Variants in TRPM2 observed in about 807,000 individuals in gnomAD.
TRPM2 encodes the protein estrogen-responsive element-associated gene 1 protein.
In TRPM2, 161 loss-of-function variants were observed where a neutral mutation model predicts 174.0. The observed-to-expected ratio is 0.93, with a 90% CI of 0.81 to 1.05. The LOEUF (loss-of-function observed/expected upper bound fraction) is 1.05, where lower values mean the gene tolerates loss of function less well. Ranked by LOEUF, TRPM2 falls within the 50% of genes least tolerant of loss-of-function variation. TRPM2 has a pLI of 0.00. For missense variants in TRPM2, 2,057 were observed against 2,038.0 expected, an observed-to-expected ratio of 1.01 and a Z score of -0.18; for synonymous variants, 954 against 861.3, an observed-to-expected ratio of 1.11 and a Z score of -1.88.
chr21:44,436,905 T>C (rs1403506594), intron 28 of TRPM2, among the ~76,000 whole-genome samples, 157 bp from the exon 29 acceptor site: 2 of 152,164 alleles, frequency 1.3e-5, no homozygotes, highest in Non-Finnish European at 2.9e-5. Flanking sequence ...ACTATCTCAG[T>C]CTTTTCCCTG....
chr21:44,407,618 C>G (rs954182182), intron 19 of TRPM2, among the ~76,000 whole-genome samples: 2 of 151,832 alleles, frequency 1.3e-5, no homozygotes, highest in Non-Finnish European at 2.9e-5. Flanking sequence ...TTCCCCTCCC[C>G]TCAGCCACAG....
chr21:44,441,800 T>G lies in TRPM2; in HGVS notation c.4495T>G (p.Phe1499Val), dbSNP rs2051516995. Residue 1499 changes from phenylalanine to valine, a missense_variant, in exon 32 of 32, where the codon TTC becomes GTC. By Grantham distance (50) the Phe-to-Val change is conservative. Transcript: ENST00000397928. ...KTLLQKAAAE[F>V]GAHY ...CCTCCTCCAGAAGGCAGCCGCTGAG[T>G]TCGGGGCTCACTACTGACTGTGCCC... 1 of 1,609,026 alleles carries G rather than the reference T, an allele frequency of 6.2e-7. No homozygotes were observed. The highest frequency in any genetic ancestry group is 8.5e-7 in the Non-Finnish European group (1 of 1,177,786).
chr21:44,417,307 C>T (rs1298817978), intron 20 of TRPM2, among the ~76,000 whole-genome samples: 4 of 123,316 alleles, frequency 3.2e-5, no homozygotes, highest in African/African-American at 6.4e-5. Context: ...ACAGTGGGCA[C>T]AAGGGCGTGG....
At position 44,391,383 on chromosome 21, in the gene TRPM2, A is replaced by C. The variant is rs1602198698; in HGVS notation, c.1552A>C (p.Thr518Pro). 6.2e-7 allele frequency: 1 copy of C among 1,614,126 alleles called. No individual in the cohort carries two copies. Among genetic ancestry groups the C allele is most frequent in the African/African-American group, 1.3e-5 (1 of 75,052 alleles). The change falls in exon 11 of 32, where the codon ACC becomes CCC. Residue 518 changes from threonine to proline, a missense_variant. Thr to Pro is a conservative substitution (Grantham distance 38, BLOSUM62 -1). Coordinates refer to ENST00000397928, the MANE Select transcript of TRPM2 (RefSeq NM_003307.4). The surrounding 1 kb of genome is among the most constrained non-coding windows in gnomAD (Gnocchi z 5.0). ...VQLKEFVTWD[T>P]LLYLYENLDP... ...GCTGAAGGAGTTTGTCACCTGGGAC[A>C]CCTTGCTCTACCTGTACGAGAACCT...
In TRPM2 at chr21:44,375,854, A is replaced by C. The variant is rs749922270; in HGVS notation, c.793A>C (p.Ile265Leu). 2 of 1,613,842 alleles carry C rather than the reference A, an allele frequency of 1.2e-6. No homozygotes were observed. Among genetic ancestry groups the C allele is most frequent in the Non-Finnish European group, 1.7e-6 (2 of 1,179,882 alleles). Residue 265 changes from isoleucine to leucine, a missense_variant, in exon 6 of 32, where the codon ATA becomes CTA. By Grantham distance (5) the Ile-to-Leu change is conservative. Transcript: ENST00000397928. The stretch of plus-strand genomic sequence containing the variant: ...CCAGGGCAGCTTCCCCGCCGAGTAC[A>C]TACTGGATGAGGATGGCCAAGGGAA... ...HPTGSFPAEY[I>L]LDEDGQGNLT...
At chr21:44,403,656 C>T (rs1458625773) in intron 16 of TRPM2, among the ~76,000 whole-genome samples, 1 of 148,694 alleles carries the variant, frequency 6.7e-6, no homozygotes, top group Non-Finnish European at 1.5e-5. Context: ...CACACATGCA[C>T]ACACATGCAT....
rs188347477 is a variant in TRPM2 at position 44,428,992 on chromosome 21, G to C, written c.3974+1881G>C. Among the ~76,000 whole-genome samples, 315 of 152,308 alleles carry C rather than the reference G, an allele frequency of 2.1e-3. 2 individuals are homozygous for C. Among genetic ancestry groups the C allele is most frequent in the Middle Eastern group, 0.01 (3 of 292 alleles). On this transcript the variant is annotated intron_variant, in intron 27 of 31. Transcript: ENST00000397928. ...TTAAACCTGCCTTTTCTAGTCTTGA[G>C]CCTTTAGCTTTTTTGTGAGTTTAAA... is the stretch of plus-strand genomic sequence containing the variant.
chr21:44,387,394 AAAACT>A (rs2049044898), intron 9 of TRPM2, among the ~76,000 whole-genome samples: 1 of 152,262 alleles, frequency 6.6e-6, no homozygotes, highest in African/African-American at 2.4e-5. Context: ...ACCATATACA[AAAACT>A]AACTCAAAGT....
intron 9 of TRPM2, among the ~76,000 whole-genome samples, chr21:44,387,473 T>C (rs73375927): frequency 0.039 from 5,884 of 152,268 alleles, 339 homozygotes; most frequent in African/African-American, 0.12. Context: ...AAAAACTTCA[T>C]GACAAAGGAT....
At position 44,399,265 on chromosome 21, in the gene TRPM2, G is replaced by T; in HGVS notation, c.2063-31G>T. The T allele has an allele frequency of 6.3e-7, 1 of 1,599,050 alleles. No homozygotes were observed. Among genetic ancestry groups the T allele is most frequent in the Non-Finnish European group, 8.5e-7 (1 of 1,171,174 alleles). On this transcript the variant is annotated intron_variant, in intron 13 of 31. Transcript: ENST00000397928. This position sits in a 1 kb window ranked among gnomAD's most constrained non-coding sequence, Gnocchi z 4.6. The stretch of plus-strand genomic sequence containing the variant: ...CAGGGCTCAGTGATTGTGACCTGCT[G>T]CTCTGACGGGGCTCTCATATCTCCG...
chr21:44,398,677 G>T (rs2049511138), intron 13 of TRPM2, among the ~76,000 whole-genome samples: 1 of 152,140 alleles, frequency 6.6e-6, no homozygotes, highest in African/African-American at 2.4e-5. Flanking sequence ...TTCTGCGTGT[G>T]GTCACAGAAC....
intron 9 of TRPM2, among the ~76,000 whole-genome samples, chr21:44,389,272 G>A (rs1424052224): frequency 1.3e-5 from 2 of 152,116 alleles, no homozygotes; most frequent in African/African-American, 4.8e-5. Flanking sequence ...GTTCTTTTTT[G>A]TCTGTGAAGG....
Position 44,442,027 on chromosome 21 carries a change from C to G in TRPM2, c.*210C>G. 1 of 676,936 alleles carries G rather than the reference C, an allele frequency of 1.5e-6. No individual in the cohort carries two copies. Among genetic ancestry groups the G allele is most frequent in the Non-Finnish European group, 2.2e-6 (1 of 459,994 alleles). 41.9% of individuals were successfully genotyped at this position (676,936 alleles called of 1,614,324 possible). On this transcript the variant is annotated 3_prime_UTR_variant, in exon 32 of 32. Coordinates refer to ENST00000397928, the MANE Select transcript of TRPM2 (RefSeq NM_003307.4). ...GTCAAGGTGACCCGGGAGGAGAGCT[C>G]AAGACAGGGCACAGGCTACTCAGAG...
At chr21:44,371,737 C>A (rs1005981744) in intron 5 of TRPM2, among the ~76,000 whole-genome samples, 1 of 152,232 alleles carries the variant, frequency 6.6e-6, no homozygotes, top group Non-Finnish European at 1.5e-5. Context: ...GGTCCATGAG[C>A]AGGCCTTGAT....
rs148167537 is a variant in TRPM2 at position 44,367,481 on chromosome 21, G to T, written c.604+547G>T. Among the ~76,000 whole-genome samples the T allele has an allele frequency of 5.7e-3, 872 of 152,300 alleles. 8 individuals are homozygous for T. The highest frequency in any genetic ancestry group is 0.02 in the African/African-American group (841 of 41,554). ...GGTTGGAGTCAAATCACCTCCCAAGGTTGCACCACTGGTGAGAGCCAGGCA... is the reference window on the plus strand; with the variant it reads ...GGTTGGAGTCAAATCACCTCCCAAGTTTGCACCACTGGTGAGAGCCAGGCA... On this transcript the variant is annotated intron_variant, in intron 4 of 31. Transcript: ENST00000397928. This position sits in a 1 kb window ranked among gnomAD's most constrained non-coding sequence, Gnocchi z 4.6.
intron 2 of TRPM2, 61 bp from the exon 3 acceptor site, chr21:44,364,052 GC>G (rs1295197691): frequency 6.5e-7 from 1 of 1,543,788 alleles, no homozygotes. Flanking sequence ...CTCCTCTGAT[GC>G]CTTCACAGGG....
At chr21:44,407,752 G>A (rs558950105) in intron 19 of TRPM2, among the ~76,000 whole-genome samples, 5 of 151,754 alleles carry the variant, frequency 3.3e-5, no homozygotes, top group East Asian at 3.9e-4. Context: ...GTTTGTCACC[G>A]TGTATCAGTA....
At chr21:44,397,330 T>A (rs1256189905) in intron 12 of TRPM2, among the ~76,000 whole-genome samples, 1 of 152,100 alleles carries the variant, frequency 6.6e-6, no homozygotes, top group African/African-American at 2.4e-5. Context: ...AGCCACTGCA[T>A]CCGGCCCAGG....
chr21:44,403,625 A>G lies in TRPM2; in HGVS notation c.2539-1517A>G, dbSNP rs992629503. Among the ~76,000 whole-genome samples, 4 of 151,852 alleles carry G rather than the reference A, an allele frequency of 2.6e-5. No homozygotes were observed. The South Asian group carries it at 6.2e-4, about 24-fold the overall frequency. ...AGTACACACATAGGCACACACATTCATGCATATGTATACACACATGCACAC... is the reference window on the plus strand; with the variant it reads ...AGTACACACATAGGCACACACATTCGTGCATATGTATACACACATGCACAC... On this transcript the variant is annotated intron_variant, in intron 16 of 31. Coordinates refer to ENST00000397928, the MANE Select transcript of TRPM2 (RefSeq NM_003307.4).
Sources: allele counts gnomAD v4.1 joint callset (sites outside exome capture counted in the v4.1 genomes callset), GRCh38; gene constraint gnomAD v4.1.1; non-coding constraint Gnocchi (gnomAD v3.1); transcripts MANE v1.5; gene names NCBI Gene and HGNC (gene_info 2026-07-23, HGNC 2026-07-21).